The following PXDN variants were observed in gnomAD, a reference collection of about 807,000 sequenced individuals.
PXDN encodes the protein peroxidasin homolog.
Under a neutral mutation model 140.3 loss-of-function variants are expected in PXDN, and 77 were observed. The observed-to-expected ratio is 0.55, with a 90% CI of 0.46 to 0.66. The LOEUF is 0.66. PXDN is among the 30% of genes least tolerant of loss of function. PXDN has a pLI of 0.00. For synonymous variants in PXDN, 911 were observed against 857.4 expected (o/e 1.06, Z -1.09); for missense variants, 1,838 against 2,039.5 (o/e 0.90, Z 1.90).
rs1338175279 is a variant in PXDN, at chr2:1,714,722, C to A, written c.201-21588G>T. Among the ~76,000 whole-genome samples the A allele has an allele frequency of 1.3e-5, 2 of 152,182 alleles. No homozygotes were observed. The highest frequency in any genetic ancestry group is 2.9e-5 in the Non-Finnish European group (2 of 68,038). On this transcript the variant is annotated intron_variant, in intron 1 of 22. Transcript: ENST00000252804. The surrounding 1 kb of genome is among the most constrained non-coding windows in gnomAD (Gnocchi z 4.3). ...TGAAATTCCAATTTCATAAAATGTC[C>A]ACAGCATGAAATATTTACTCTTCTT...
intron 10 of PXDN, 67 bp downstream of exon 10, chr2:1,666,147 G>A: frequency 2.5e-6 from 4 of 1,576,362 alleles, no homozygotes; most frequent in Non-Finnish European, 3.5e-6. Context: ...GGGTATGGCA[G>A]CGCGAGCTAG....
chr2:1,635,809 G>A (rs1031155407), intron 21 of PXDN: 7 of 421,408 alleles, frequency 1.7e-5, no homozygotes, highest in Admixed American at 7.1e-5. Context: ...ACCAGATGAC[G>A]AGAACGTCCT....
chr2:1,658,789 C>T (rs1337120610), intron 14 of PXDN, among the ~76,000 whole-genome samples: 1 of 132,094 alleles, frequency 7.6e-6, no homozygotes, highest in East Asian at 2.6e-4. Context: ...ACCCCAGGAC[C>T]CCCCCACTCT....
At chr2:1,741,594 C>G (rs1165493636) in intron 1 of PXDN, among the ~76,000 whole-genome samples, 1 of 152,144 alleles carries the variant, frequency 6.6e-6, no homozygotes. Flanking sequence ...ACTCCTGGAG[C>G]ATTTGAGGGG....
intron 9 of PXDN, among the ~76,000 whole-genome samples, chr2:1,671,650 C>T (rs912959250): frequency 6.6e-6 from 1 of 152,174 alleles, no homozygotes; most frequent in Non-Finnish European, 1.5e-5. Flanking sequence ...TTTATATGCT[C>T]CTAATCACAG....
chr2:1,731,723 G>A (rs971019956), intron 1 of PXDN, among the ~76,000 whole-genome samples: 1 of 152,308 alleles, frequency 6.6e-6, no homozygotes, highest in Non-Finnish European at 1.5e-5. Context: ...CTATCCCAAG[G>A]CTTAGAGCTG....
intron 14 of PXDN, among the ~76,000 whole-genome samples, chr2:1,659,111 A>G (rs1683244618): frequency 6.6e-6 from 1 of 152,202 alleles, no homozygotes; most frequent in African/African-American, 2.4e-5. Flanking sequence ...TATTGGTGAT[A>G]ACTGGGCCAA....
At chr2:1,654,210 C>T (rs1242400816) in intron 15 of PXDN, among the ~76,000 whole-genome samples, 190 bp downstream of exon 15, 3 of 152,156 alleles carry the variant, frequency 2.0e-5, no homozygotes, top group Non-Finnish European at 2.9e-5. Context: ...AAGCACACAT[C>T]CTTCTGTTAT....
chr2:1,674,065 T>A (rs1279142653), intron 8 of PXDN, among the ~76,000 whole-genome samples: 1 of 152,256 alleles, frequency 6.6e-6, no homozygotes, highest in Non-Finnish European at 1.5e-5. Flanking sequence ...CTACATGTTT[T>A]AAAGTGTTTC....
intron 14 of PXDN, among the ~76,000 whole-genome samples, chr2:1,658,073 T>C (rs935877512): frequency 0.032 from 1,836 of 58,070 alleles, 470 homozygotes; most frequent in Non-Finnish European, 0.044. Flanking sequence ...TCTCTCTCTC[T>C]CTCTCTCTCT....
chr2:1,697,042 C>T (rs1390094697), intron 1 of PXDN, among the ~76,000 whole-genome samples: 3 of 152,186 alleles, frequency 2.0e-5, no homozygotes, highest in Non-Finnish European at 2.9e-5. Context: ...TTCCACAGCA[C>T]CAGTGCTTGG....
At chr2:1,680,999 T>A (rs1284358448) in intron 6 of PXDN, among the ~76,000 whole-genome samples, 1 of 152,194 alleles carries the variant, frequency 6.6e-6, no homozygotes, top group South Asian at 2.1e-4. Context: ...AAAAGTGTTG[T>A]CTCCGCACAC....
chr2:1,641,847 G>C (rs570572487), intron 19 of PXDN, among the ~76,000 whole-genome samples: 1 of 152,272 alleles, frequency 6.6e-6, no homozygotes, highest in African/African-American at 2.4e-5. Context: ...ACAGGGGCCT[G>C]GTAAAGTTAT....
intron 19 of PXDN, among the ~76,000 whole-genome samples, chr2:1,640,754 T>C (rs1002496657): frequency 2.0e-5 from 3 of 152,186 alleles, no homozygotes; most frequent in African/African-American, 7.2e-5. Context: ...GGGTCAAGAA[T>C]GAGCCTCACT....
At chr2:1,692,615 G>A (rs747061677) in intron 2 of PXDN, 24 of 472,298 alleles carry the variant, frequency 5.1e-5, no homozygotes, top group South Asian at 9.3e-5. Context: ...GCACAGCAAC[G>A]CTGGACTTGG....
chr2:1,635,221 C>T (rs1015612011), intron 22 of PXDN, among the ~76,000 whole-genome samples, 187 bp downstream of exon 22: 7 of 152,160 alleles, frequency 4.6e-5, no homozygotes, highest in Non-Finnish European at 8.8e-5. Flanking sequence ...CCTCCTAGCA[C>T]GTCCTCTGTG....
rs11685976 is a variant in PXDN, at chr2:1,648,070, C to T, written c.3608+102G>A. ...ACCTTCATCTCACCTCTGCACGACA[C>T]GAACAAAACTCACACACAGAGACAA... On this transcript the variant is annotated intron_variant, in intron 17 of 22. Transcript: ENST00000252804. The surrounding 1 kb of genome is among the most constrained non-coding windows in gnomAD (Gnocchi z 8.9). 3.4e-5 allele frequency: 49 copies of T among 1,453,068 alleles called. No individual in the cohort carries two copies. The highest frequency in any genetic ancestry group is 1.8e-4 in the Middle Eastern group (1 of 5,510). The allele number at this position is 1,453,068 out of a possible 1,614,324, so 90.0% of individuals were successfully genotyped here.
At chr2:1,677,624 C>T (rs1187272106) in intron 7 of PXDN, among the ~76,000 whole-genome samples, 1 of 151,948 alleles carries the variant, frequency 6.6e-6, no homozygotes, top group Non-Finnish European at 1.5e-5. Flanking sequence ...CCGAGGGCCA[C>T]CCGAGGGCTG....
At chr2:1,724,403 T>C (rs889653290) in intron 1 of PXDN, among the ~76,000 whole-genome samples, 6 of 151,654 alleles carry the variant, frequency 4.0e-5, no homozygotes, top group African/African-American at 1.2e-4. Context: ...ACAAAACATG[T>C]AGAGTTGGTC....
Sources: gnomAD v4.1 joint callset for allele counts (sites outside exome capture counted in the v4.1 genomes callset) on GRCh38, gnomAD v4.1.1 for gene constraint, Gnocchi (gnomAD v3.1) non-coding constraint, MANE v1.5 for transcripts, NCBI Gene and HGNC (gene_info 2026-07-23, HGNC 2026-07-21) for gene names.